Variants in TEX14 observed in about 807,000 individuals in gnomAD.
TEX14 encodes the protein inactive serine/threonine-protein kinase TEX14.
In TEX14, 168 loss-of-function variants were observed where a neutral mutation model predicts 178.6. The ratio of observed to expected loss-of-function variants is 0.94; its 90% CI spans 0.83 to 1.07. The LOEUF is 1.07. Ranked by LOEUF, TEX14 falls within the 50% of genes least tolerant of loss-of-function variation. The pLI, the probability that TEX14 is intolerant of heterozygous loss-of-function variation, is 0.00. For synonymous variants in TEX14, 626 were observed against 634.1 expected (o/e 0.99, Z 0.19); for missense variants, 1,730 against 1,753.6 (o/e 0.99, Z 0.24).
chr17:58,687,387 G>A (rs1367361831), intron 1 of TEX14, among the ~76,000 whole-genome samples: 1 of 152,082 alleles, frequency 6.6e-6, no homozygotes, highest in African/African-American at 2.4e-5. Flanking sequence ...ATACTCTTTT[G>A]TCTCGTCTTT....
rs76709758 is a variant in TEX14, at chr17:58,606,383, G to A, written c.1185-1254C>T. 9.1e-3 allele frequency among the ~76,000 whole-genome samples: 1,385 copies of A among 152,290 alleles called. 64 individuals carry two copies. The East Asian group carries it at 0.12, about 14-fold the overall frequency. ...CTGGCAGTTGATAATTAAGAATTAAGTTTTTAAAAAGCAAGTGACAGCAAG... is the reference window on the plus strand; with the variant it reads ...CTGGCAGTTGATAATTAAGAATTAAATTTTTAAAAAGCAAGTGACAGCAAG... On this transcript the variant is annotated intron_variant, in intron 10 of 31. Coordinates refer to ENST00000349033, the MANE Select transcript of TEX14 (RefSeq NM_031272.5).
chr17:58,658,024 C>G (rs1278322430), intron 1 of TEX14, among the ~76,000 whole-genome samples: 1 of 152,152 alleles, frequency 6.6e-6, no homozygotes, highest in Non-Finnish European at 1.5e-5. Context: ...GTGGTCCCCA[C>G]CCAGGAACTG....
intron 24 of TEX14, among the ~76,000 whole-genome samples, chr17:58,571,125 A>C (rs908477969): frequency 3.9e-5 from 6 of 152,150 alleles, no homozygotes; most frequent in Non-Finnish European, 8.8e-5. Flanking sequence ...GGTTAAATGA[A>C]CACATAAAAT....
At chr17:58,570,318 G>T in intron 25 of TEX14, 67 bp downstream of exon 25, 1 of 1,037,708 alleles carries the variant, frequency 9.6e-7, no homozygotes, top group Non-Finnish European at 1.3e-6. Context: ...TGGCATCAAA[G>T]ATTGATAAGC....
At chr17:58,559,357 T>G in intron 30 of TEX14, 96 bp downstream of exon 30, 1 of 628,492 alleles carries the variant, frequency 1.6e-6, no homozygotes. Flanking sequence ...GGTAGGAGGA[T>G]TATGTATAGC....
intron 1 of TEX14, among the ~76,000 whole-genome samples, chr17:58,687,360 G>A (rs766970206): frequency 1.3e-5 from 2 of 152,018 alleles, no homozygotes; most frequent in Non-Finnish European, 2.9e-5. Flanking sequence ...GGTACCCCCT[G>A]ACCCCTTCTT....
At chr17:58,572,632 T>TAA (rs1313175015) in intron 23 of TEX14, among the ~76,000 whole-genome samples, 11 of 131,592 alleles carry the variant, frequency 8.4e-5, no homozygotes, top group Non-Finnish European at 8.2e-5. Flanking sequence ...ACTCTGTCTT[T>TAA]AAAAAAAAAA....
chr17:58,620,965 A>C (rs1303894987), intron 5 of TEX14, among the ~76,000 whole-genome samples: 1 of 152,192 alleles, frequency 6.6e-6, no homozygotes, highest in East Asian at 1.9e-4. Context: ...CATGAATGAC[A>C]GGACAAGGAA....
intron 16 of TEX14, 53 bp downstream of exon 16, chr17:58,587,843 A>AGC (rs2144419475): frequency 2.9e-5 from 33 of 1,118,730 alleles, no homozygotes; most frequent in Non-Finnish European, 3.0e-5. Flanking sequence ...GGGTGCCAGA[A>AGC]CCCACCCCCA....
In TEX14 at chr17:58,571,914, T is replaced by C. The variant is rs192369207; in HGVS notation, c.3717+7A>G. The C allele has an allele frequency of 1.0e-3, 1,642 of 1,612,302 alleles. 4 individuals are homozygous for C. The highest frequency in any genetic ancestry group is 1.4e-3 in the Middle Eastern group (8 of 5,758). Reference sequence around the variant, plus strand: ...ATGAGTTTGTAACGTGGAATTGATATACTTACAAGACCAGTCAGTCTTGAA... The same window carrying C: ...ATGAGTTTGTAACGTGGAATTGATACACTTACAAGACCAGTCAGTCTTGAA... On this transcript the variant is annotated splice_region_variant and intron_variant, in intron 24 of 31. Transcript: ENST00000349033.
intron 5 of TEX14, among the ~76,000 whole-genome samples, chr17:58,618,841 T>C (rs2045934176): frequency 6.6e-6 from 1 of 152,260 alleles, no homozygotes; most frequent in African/African-American, 2.4e-5. Context: ...ATGTTTAGAC[T>C]GAGATAAACT....
intron 2 of TEX14, among the ~76,000 whole-genome samples, chr17:58,635,470 C>A (rs2046414317): frequency 6.8e-6 from 1 of 147,076 alleles, no homozygotes; most frequent in African/African-American, 2.6e-5. Flanking sequence ...CACTCCGTAG[C>A]CCATGCTGGA....
Position 58,564,936 on chromosome 17 carries a change from T to G in TEX14, c.3997A>C (p.Ser1333Arg), listed in dbSNP as rs774817588. ...QRHLEEQETD[S>R]KKEDSSMLLS... ...AGCATACTACTATCTTCTTTTTTAC[T>G]GTCAGTTTCTTGTTCTTCTAAGTGC... is the stretch of plus-strand genomic sequence containing the variant. Residue 1333 changes from serine (S) to arginine (R), a missense_variant, in exon 28 of 32, where the codon AGT (serine) becomes CGT (arginine). By Grantham distance (110) the Ser-to-Arg change is moderately radical. Transcript: ENST00000349033. 1 of 1,609,370 alleles carries G rather than the reference T, an allele frequency of 6.2e-7. No individual in the cohort carries two copies. The highest frequency in any genetic ancestry group is 1.1e-5 in the South Asian group (1 of 89,996).
intron 11 of TEX14, among the ~76,000 whole-genome samples, chr17:58,604,135 T>C (rs552196534): frequency 6.6e-6 from 1 of 152,006 alleles, no homozygotes; most frequent in South Asian, 2.1e-4. Context: ...TCTCAAGGGA[T>C]ACCACACATA....
At chr17:58,656,966 TTTTA>T (rs1361766215) in intron 1 of TEX14, among the ~76,000 whole-genome samples, 2 of 143,846 alleles carry the variant, frequency 1.4e-5, no homozygotes, top group East Asian at 4.1e-4. Context: ...GAAAATTGGG[TTTTA>T]TTTATTTATT....
intron 15 of TEX14, 149 bp downstream of exon 15, chr17:58,593,406 T>A (rs1007864939): frequency 1.6e-6 from 1 of 638,718 alleles, no homozygotes; most frequent in Non-Finnish European, 2.8e-6. Flanking sequence ...TCCTACTCAC[T>A]CAGTGGGAGA....
chr17:58,673,439 C>T (rs1362273577), intron 1 of TEX14, among the ~76,000 whole-genome samples: 11 of 150,388 alleles, frequency 7.3e-5, no homozygotes, highest in East Asian at 4.0e-4. Context: ...GCCGAGATCA[C>T]GCCACTGCAC....
chr17:58,659,379 G>A lies in TEX14; in HGVS notation c.-1-7377C>T, dbSNP rs555624103. On this transcript the variant is annotated intron_variant, in intron 1 of 31. Transcript: ENST00000349033. ...ATACTCATGGCAAATTGTATTATGA[G>A]TTGTTTTTAGGCATCGCTTCGAAAC... The A allele has an allele frequency of 4.1e-6, 4 of 972,292 alleles. No homozygotes were observed. The African/African-American group carries it at 7.0e-5, about 17-fold the overall frequency. 60.2% of individuals were successfully genotyped at this position (972,292 alleles called of 1,614,324 possible). A position where few individuals can be genotyped will look rare whatever the true frequency, so the allele number is the denominator to read the frequency against.
intron 3 of TEX14, among the ~76,000 whole-genome samples, chr17:58,623,903 C>T (rs2046067620): frequency 6.6e-6 from 1 of 152,070 alleles, no homozygotes; most frequent in Non-Finnish European, 1.5e-5. Context: ...ACTCCAGACA[C>T]CCAGTTCTCT....
Sources: allele counts gnomAD v4.1 joint callset (sites outside exome capture counted in the v4.1 genomes callset), GRCh38; gene constraint gnomAD v4.1.1; transcripts MANE v1.5; gene names NCBI Gene and HGNC (gene_info 2026-07-23, HGNC 2026-07-21).